Variants in TRIOBP observed in about 807,000 individuals in gnomAD.
The protein encoded by TRIOBP is TRIO and F-actin-binding protein.
In TRIOBP, 169 loss-of-function variants were observed where a neutral mutation model predicts 238.8. That is an observed-to-expected ratio of 0.71 (90% CI 0.62 to 0.80). The LOEUF (loss-of-function observed/expected upper bound fraction) is 0.80, where lower values mean the gene tolerates loss of function less well. Among genes scored for constraint, TRIOBP ranks in the 30% least tolerant of loss-of-function variants. The pLI is 0.00. For synonymous variants in TRIOBP, 1,150 were observed against 1,274.4 expected, an observed-to-expected ratio of 0.90 and a Z score of 2.08; for missense variants, 2,838 against 3,122.6, an observed-to-expected ratio of 0.91 and a Z score of 2.17.
chr22:37,768,911 G>T lies in TRIOBP; in HGVS notation c.6576-117G>T, dbSNP rs1318845200. 4 of 1,466,976 alleles carry T rather than the reference G, an allele frequency of 2.7e-6. No individual in the cohort carries two copies. The East Asian group carries it at 9.1e-5, about 34-fold the overall frequency. The allele number at this position is 1,466,976 out of a possible 1,614,324, so 90.9% of individuals were successfully genotyped here. ...GTTCACAGCCCCACAGCAGGCTAAA[G>T]GCAAACCTAGAGAGGGAACCCCAGA... On this transcript the variant is annotated intron_variant, in intron 19 of 23. Transcript: ENST00000644935.
At chr22:37,736,622 T>TTTTA (rs373401859) in intron 9 of TRIOBP, among the ~76,000 whole-genome samples, 2 of 152,116 alleles carry the variant, frequency 1.3e-5, no homozygotes, top group Non-Finnish European at 2.9e-5. Context: ...GTGCTTTTAT[T>TTTTA]TTTATTTATT....
intron 7 of TRIOBP, 102 bp downstream of exon 7, chr22:37,726,605 G>T: frequency 8.1e-7 from 1 of 1,234,122 alleles, no homozygotes. Context: ...AAATCCCCCT[G>T]GCTTGCCATT....
At chr22:37,711,918 C>G (rs1452915372) in intron 4 of TRIOBP, among the ~76,000 whole-genome samples, 1 of 152,172 alleles carries the variant, frequency 6.6e-6, no homozygotes, top group African/African-American at 2.4e-5. Flanking sequence ...AGAGCCTTCT[C>G]TGCAGCTCCC....
In TRIOBP at chr22:37,723,662, C is replaced by G. The variant is rs762778729; in HGVS notation, c.1106C>G (p.Pro369Arg). 1.2e-6 allele frequency: 2 copies of G among 1,614,034 alleles called. No individual in the cohort carries two copies. The highest frequency in any genetic ancestry group is 1.7e-6 in the Non-Finnish European group (2 of 1,180,022). The change falls in exon 7 of 24, where the codon CCT becomes CGT. Residue 369 changes from proline to arginine, a missense_variant. Coordinates refer to ENST00000644935, the MANE Select transcript of TRIOBP (RefSeq NM_001039141.3). ...TQQDNPQTSFPTCTPQRENPR... is the reference protein window; with the variant it reads ...TQQDNPQTSFRTCTPQRENPR... Reference sequence around the variant, plus strand: ...CAGGACAACCCCCAAACTTCTTTTCCTACTTGTACTCCCCAGCGGGAAAAC... The same window carrying G: ...CAGGACAACCCCCAAACTTCTTTTCGTACTTGTACTCCCCAGCGGGAAAAC...
At chr22:37,743,703 G>C (rs1240265616) in intron 11 of TRIOBP, among the ~76,000 whole-genome samples, 1 of 152,126 alleles carries the variant, frequency 6.6e-6, no homozygotes, top group Non-Finnish European at 1.5e-5. Flanking sequence ...TCCTAAGTCT[G>C]CTGGGGACAC....
At chr22:37,704,959 G>A (rs1922857855) in intron 3 of TRIOBP, among the ~76,000 whole-genome samples, 1 of 151,632 alleles carries the variant, frequency 6.6e-6, no homozygotes, top group African/African-American at 2.4e-5. Context: ...TGTAGTCCCA[G>A]CTAGTCAGAA....
chr22:37,725,892 G>A lies in TRIOBP; in HGVS notation c.3336G>A (p.Val1112=). ...QHEPLQLPAP[V]CIGYRDAPRA... is the part of the protein sequence containing the mutation. ...AGCCCCTTCAGCTCCCTGCACCTGT[G>A]TGTATTGGGTACCGAGATGCACCCC... Residue 1112 remains valine, a synonymous_variant, in exon 7 of 24, where the codon GTG becomes GTA. Transcript: ENST00000644935. The A allele has an allele frequency of 6.2e-7, 1 of 1,612,906 alleles. No individual in the cohort carries two copies. Among genetic ancestry groups the A allele is most frequent in the Non-Finnish European group, 8.5e-7 (1 of 1,179,778 alleles).
At chr22:37,755,285 C>T in intron 14 of TRIOBP, 95 bp downstream of exon 14, 1 of 1,288,690 alleles carries the variant, frequency 7.8e-7, no homozygotes, top group East Asian at 2.5e-5. Flanking sequence ...ACCATGGAGA[C>T]TGGATCCCTT....
intron 9 of TRIOBP, among the ~76,000 whole-genome samples, chr22:37,736,253 T>C (rs561523311): frequency 7.2e-5 from 11 of 152,278 alleles, no homozygotes; most frequent in Admixed American, 2.6e-4. Flanking sequence ...CAATAGCTCA[T>C]TGGGAGGACG....
At chr22:37,743,872 T>TGTGTGCTGG (rs1925084857) in intron 11 of TRIOBP, among the ~76,000 whole-genome samples, 1 of 536 alleles carries the variant, frequency 1.9e-3, no homozygotes, top group Non-Finnish European at 3.3e-3. Context: ...GTGTGCTGGG[T>TGTGTGCTGG]GTGTGTGTGT....
Position 37,769,265 on chromosome 22 carries a change from C to T in TRIOBP, c.6739C>T (p.Leu2247=). 1.2e-6 allele frequency: 2 copies of T among 1,610,462 alleles called. No individual in the cohort carries two copies. Among genetic ancestry groups the T allele is most frequent in the South Asian group, 1.1e-5 (1 of 90,502 alleles). ...CTGACCACCGTGCCTCTCCCAGGAG[C>T]TGCATGGCCGCCTGTCAGAGGAGAT... ...GQELLRHNQE[L]HGRLSEEIDQ... Residue 2247 remains leucine (L), a synonymous_variant, in exon 21 of 24, where the codon CTG becomes TTG. Transcript: ENST00000644935.
At chr22:37,705,198 A>G (rs1168316325) in intron 3 of TRIOBP, among the ~76,000 whole-genome samples, 1 of 152,086 alleles carries the variant, frequency 6.6e-6, no homozygotes, top group East Asian at 1.9e-4. Context: ...AACATGGTGA[A>G]ACCCCATCTC....
At chr22:37,756,792 CTG>C (rs1925948588) in intron 15 of TRIOBP, among the ~76,000 whole-genome samples, 1 of 152,106 alleles carries the variant, frequency 6.6e-6, no homozygotes, top group Admixed American at 6.5e-5. Context: ...CCAGCTATGA[CTG>C]TGGATAAAGA....
rs903274348 is a variant in TRIOBP, at chr22:37,754,879, T to A, written c.5382T>A (p.Pro1794=). The A allele has an allele frequency of 5.0e-6, 8 of 1,613,780 alleles. No homozygotes were observed. Among genetic ancestry groups the A allele is most frequent in the Non-Finnish European group, 5.9e-6 (7 of 1,179,978 alleles). The change falls in exon 13 of 24, where the codon CCT becomes CCA. Residue 1794 remains proline (P), a splice_region_variant and synonymous_variant. Transcript: ENST00000644935. ...CTTTCATTCCATCCTCCTTGCAGCC[T>A]CCCTCCCCCTCGCTCACCACCACCT... ...WMSILDEPGE[P]PSPSLTTTST...
At chr22:37,715,212 AC>A (rs1923451061) in intron 5 of TRIOBP, among the ~76,000 whole-genome samples, 1 of 151,988 alleles carries the variant, frequency 6.6e-6, no homozygotes, top group African/African-American at 2.4e-5. Context: ...ACAGGGTTTC[AC>A]CATGTTGGCC....
At chr22:37,728,654 T>C (rs1924289894) in intron 7 of TRIOBP, among the ~76,000 whole-genome samples, 1 of 152,166 alleles carries the variant, frequency 6.6e-6, no homozygotes, top group African/African-American at 2.4e-5. Context: ...ACCAATATCC[T>C]GTACTAGATA....
At position 37,725,023 on chromosome 22, in the gene TRIOBP, A is replaced by C; in HGVS notation, c.2467A>C (p.Ile823Leu). The C allele has an allele frequency of 6.2e-7, 1 of 1,614,074 alleles. No individual in the cohort carries two copies. The highest frequency in any genetic ancestry group is 8.5e-7 in the Non-Finnish European group (1 of 1,179,942). Residue 823 changes from isoleucine (I) to leucine (L), a missense_variant, in exon 7 of 24, where the codon ATC (isoleucine) becomes CTC (leucine). Coordinates refer to ENST00000644935, the MANE Select transcript of TRIOBP (RefSeq NM_001039141.3). ...CCCCAGAACTTGTATTCAACAGAAC[A>C]TCCCCAGATCATCTTCTACCCAACA... ...DNPRTCIQQN[I>L]PRSSSTQQDN...
rs1455078893 is a variant in TRIOBP at position 37,776,478 on chromosome 22, T to G, written c.*2698T>G. On this transcript the variant is annotated 3_prime_UTR_variant, in exon 24 of 24. Coordinates refer to ENST00000644935, the MANE Select transcript of TRIOBP (RefSeq NM_001039141.3). ...GTCCTTACATGCACAAAAGGATGAG[T>G]ACCGTAATACTCACATCAGCAAATA... 1 of 152,188 alleles carries G rather than the reference T, an allele frequency of 6.6e-6. No individual in the cohort carries two copies. The highest frequency in any genetic ancestry group is 2.4e-5 in the African/African-American group (1 of 41,442). 9.4% of individuals were successfully genotyped at this position (152,188 alleles called of 1,614,324 possible). A position where few individuals can be genotyped will look rare whatever the true frequency, so the allele number is the denominator to read the frequency against.
chr22:37,775,695 G>A lies in TRIOBP; in HGVS notation c.*1915G>A, dbSNP rs1256916773. ...CCAGCTACTCAGGAGGCTGAGGCAG[G>A]AGAATCACTTGAACCCAGGAGGCAG... On this transcript the variant is annotated 3_prime_UTR_variant, in exon 24 of 24. Coordinates refer to ENST00000644935, the MANE Select transcript of TRIOBP (RefSeq NM_001039141.3). 6.6e-6 allele frequency: 1 copy of A among 152,178 alleles called. No individual in the cohort carries two copies. The highest frequency in any genetic ancestry group is 1.5e-5 in the Non-Finnish European group (1 of 68,082). The allele number at this position is 152,178 out of a possible 1,614,324, so 9.4% of individuals were successfully genotyped here.
Sources: allele counts gnomAD v4.1 joint callset (sites outside exome capture counted in the v4.1 genomes callset), GRCh38; gene constraint gnomAD v4.1.1; transcripts MANE v1.5; gene names NCBI Gene and HGNC (gene_info 2026-07-23, HGNC 2026-07-21).